Variants in ITGA1 observed in about 807,000 individuals in gnomAD.
ITGA1 encodes the protein integrin alpha-1.
ITGA1 carries 85 observed loss-of-function variants against 145.9 expected under a neutral mutation model. The observed-to-expected ratio is 0.58, with a 90% CI of 0.49 to 0.70. ITGA1 has a LOEUF of 0.70. Among genes scored for constraint, ITGA1 ranks in the 30% least tolerant of loss-of-function variants. The pLI is 0.00. For missense variants in ITGA1, 1,351 were observed against 1,418.7 expected (o/e 0.95, Z 0.77); for synonymous variants, 520 against 495.3 (o/e 1.05, Z -0.66).
chr5:52,893,583 T>G, intron 8 of ITGA1, 92 bp from the exon 9 acceptor site: 1 of 1,170,254 alleles, frequency 8.5e-7, no homozygotes, highest in Non-Finnish European at 1.2e-6. Context: ...GCTAAGGTAC[T>G]CTACACTGTT....
At chr5:52,845,368 C>T (rs894386874) in intron 1 of ITGA1, among the ~76,000 whole-genome samples, 14 of 152,060 alleles carry the variant, frequency 9.2e-5, no homozygotes, top group African/African-American at 2.2e-4. Context: ...AGAAATACCA[C>T]GTTACAGAGC....
intron 8 of ITGA1, among the ~76,000 whole-genome samples, chr5:52,892,336 A>G (rs747044431): frequency 6.6e-6 from 1 of 152,192 alleles, no homozygotes; most frequent in Non-Finnish European, 1.5e-5. Flanking sequence ...AAAACTGACA[A>G]TAACAAGTAT....
chr5:52,820,990 C>T (rs1259719143), intron 1 of ITGA1, among the ~76,000 whole-genome samples: 1 of 152,140 alleles, frequency 6.6e-6, no homozygotes, highest in Non-Finnish European at 1.5e-5. Context: ...ATGTACTCTT[C>T]AGTATTGATA....
At chr5:52,915,346 G>A in intron 14 of ITGA1, 118 bp from the exon 15 acceptor site, 1 of 1,082,634 alleles carries the variant, frequency 9.2e-7, no homozygotes, top group Non-Finnish European at 1.3e-6. Flanking sequence ...CCTCTTGGGC[G>A]GATTCCCAAA....
intron 1 of ITGA1, among the ~76,000 whole-genome samples, chr5:52,807,614 GTT>G (rs1005049608): frequency 6.6e-6 from 1 of 152,018 alleles, no homozygotes; most frequent in Non-Finnish European, 1.5e-5. Flanking sequence ...ATCAGCCAAA[GTT>G]TATGCAATCA....
chr5:52,865,837 G>C lies in ITGA1; in HGVS notation c.624+20G>C. ...ACACAGGTATGTGACTTTGTGTTTT[G>C]ATTTCTGTTGTTCTAAAGATAAAAA... On this transcript the variant is annotated intron_variant, in intron 6 of 28. Transcript: ENST00000282588. 6.5e-7 allele frequency: 1 copy of C among 1,548,974 alleles called. No homozygotes were observed. The highest frequency in any genetic ancestry group is 1.2e-5 in the South Asian group (1 of 80,594).
rs1751340509 is a variant in ITGA1 at position 52,958,987 on chromosome 5, A to G, written c.*6536A>G. On this transcript the variant is annotated 3_prime_UTR_variant, in exon 29 of 29. Coordinates refer to ENST00000282588, the MANE Select transcript of ITGA1 (RefSeq NM_181501.2). ...TTTAAACCCATTTTGTAAAGAAATC[A>G]GGTAACAGTCATTTAATCTGATATA... The G allele has an allele frequency of 6.6e-6, 1 of 152,196 alleles. No individual in the cohort carries two copies. The highest frequency in any genetic ancestry group is 6.5e-5 in the Admixed American group (1 of 15,274). 9.4% of individuals were successfully genotyped at this position (152,196 alleles called of 1,614,324 possible).
Position 52,925,371 on chromosome 5 carries a change from C to G in ITGA1, c.2497C>G (p.Arg833Gly). 6.2e-7 allele frequency: 1 copy of G among 1,613,908 alleles called. No individual in the cohort carries two copies. Among genetic ancestry groups the G allele is most frequent in the Non-Finnish European group, 8.5e-7 (1 of 1,179,816 alleles). ...CACTGAAAAGGACCTGCTGATTGTCCGATCCCAGAATGATAAGTTCAACGT... is the reference window on the plus strand; with the variant it reads ...CACTGAAAAGGACCTGCTGATTGTCGGATCCCAGAATGATAAGTTCAACGT... The part of the protein sequence containing the change: ...ATTEKDLLIV[R>G]SQNDKFNVSL... The change falls in exon 19 of 29, where the codon CGA (arginine) becomes GGA (glycine). Residue 833 changes from arginine to glycine, a missense_variant. Arg to Gly is a moderately radical substitution (Grantham distance 125). Transcript: ENST00000282588.
intron 6 of ITGA1, among the ~76,000 whole-genome samples, chr5:52,870,498 G>T (rs996702744): frequency 6.6e-6 from 1 of 152,178 alleles, no homozygotes; most frequent in Non-Finnish European, 1.5e-5. Flanking sequence ...TACTCAGAAA[G>T]GCTTCAGTGG....
At chr5:52,809,731 C>T (rs1298711130) in intron 1 of ITGA1, among the ~76,000 whole-genome samples, 1 of 152,040 alleles carries the variant, frequency 6.6e-6, no homozygotes, top group Non-Finnish European at 1.5e-5. Context: ...GTCTCAAACT[C>T]CTGACCTCAA....
chr5:52,950,061 C>G, intron 28 of ITGA1, among the ~76,000 whole-genome samples: 1 of 152,146 alleles, frequency 6.6e-6, no homozygotes. Flanking sequence ...ATACACATGG[C>G]AAAAATTAAA....
intron 1 of ITGA1, among the ~76,000 whole-genome samples, chr5:52,845,374 A>G (rs1393462440): frequency 6.6e-6 from 1 of 152,192 alleles, no homozygotes; most frequent in African/African-American, 2.4e-5. Context: ...ACCACGTTAC[A>G]GAGCTGTGCT....
chr5:52,925,551 C>A, intron 19 of ITGA1, 64 bp downstream of exon 19: 3 of 1,201,570 alleles, frequency 2.5e-6, no homozygotes, highest in Non-Finnish European at 3.7e-6. Flanking sequence ...ACTTTTCATG[C>A]TACTGAGATA....
chr5:52,912,041 T>C (rs1038453960), intron 14 of ITGA1, among the ~76,000 whole-genome samples: 5 of 139,446 alleles, frequency 3.6e-5, no homozygotes, highest in African/African-American at 5.2e-5. Flanking sequence ...CTACTATATA[T>C]ACTATATATG....
At chr5:52,934,501 C>T (rs528343367) in intron 23 of ITGA1, among the ~76,000 whole-genome samples, 8 of 151,996 alleles carry the variant, frequency 5.3e-5, no homozygotes, top group African/African-American at 1.9e-4. Context: ...TTACCTTTCA[C>T]ATGCATTGTA....
intron 1 of ITGA1, among the ~76,000 whole-genome samples, chr5:52,796,188 C>T (rs568306199): frequency 1.1e-3 from 162 of 151,966 alleles, no homozygotes; most frequent in African/African-American, 3.8e-3. Context: ...CCAAAAGTTA[C>T]AGTAAAAACA....
chr5:52,925,268 A>T lies in ITGA1; in HGVS notation c.2404-10A>T. On this transcript the variant is annotated splice_polypyrimidine_tract_variant and intron_variant, in intron 18 of 28. Coordinates refer to ENST00000282588, the MANE Select transcript of ITGA1 (RefSeq NM_181501.2). ...AAATTTTGAAAAATTCTTTCCTGTC[A>T]TCATTTCAGATTCCCTTTGCCAAAG... 3 of 1,609,394 alleles carry T rather than the reference A, an allele frequency of 1.9e-6. No individual in the cohort carries two copies. The highest frequency in any genetic ancestry group is 2.6e-6 in the Non-Finnish European group (3 of 1,175,732).
chr5:52,949,014 G>A (rs1337029469), intron 28 of ITGA1: 5 of 152,110 alleles, frequency 3.3e-5, no homozygotes, highest in African/African-American at 7.2e-5. Context: ...AGATAATGAT[G>A]TGTTGATACA....
At position 52,788,375 on chromosome 5, in the gene ITGA1, C is replaced by T. The variant is rs1286241516; in HGVS notation, c.22C>T (p.Arg8Cys). ...GGCCATGGCCCCTCGGCCCCGCGCC[C>T]GCCCAGGGGTCGCTGTCGCCTGCTG... MAPRPRA[R>C]PGVAVACCWL... Residue 8 changes from arginine (R) to cysteine (C), a missense_variant, in exon 1 of 29, where the codon CGC becomes TGC. Transcript: ENST00000282588. 2 of 1,512,218 alleles carry T rather than the reference C, an allele frequency of 1.3e-6. No individual in the cohort carries two copies. Among genetic ancestry groups the T allele is most frequent in the Admixed American group, 2.1e-5 (1 of 47,590 alleles). The allele number at this position is 1,512,218 out of a possible 1,614,324, so 93.7% of individuals were successfully genotyped here.
Sources: gnomAD v4.1 joint callset for allele counts (sites outside exome capture counted in the v4.1 genomes callset) on GRCh38, gnomAD v4.1.1 for gene constraint, MANE v1.5 for transcripts, NCBI Gene and HGNC (gene_info 2026-07-23, HGNC 2026-07-21) for gene names.